The following TBX4 variants were observed in gnomAD, a reference collection of about 807,000 sequenced individuals.
TBX4 encodes T-box transcription factor TBX4.
TBX4 carries 13 observed loss-of-function variants against 54.6 expected under a neutral mutation model. That is an observed-to-expected ratio of 0.24 (90% CI 0.15 to 0.38). TBX4 has a LOEUF of 0.38. Ranked by LOEUF, TBX4 falls within the 10% of genes least tolerant of loss-of-function variation. The pLI is 1.00. For missense variants in TBX4, 631 were observed against 728.5 expected (o/e 0.87, Z 1.54); for synonymous variants, 314 against 306.7 (o/e 1.02, Z -0.25).
rs2060687717 is a variant in TBX4, at chr17:61,484,231, T to C, written c.*715T>C. 3 of 152,158 alleles carry C rather than the reference T, an allele frequency of 2.0e-5. No homozygotes were observed. Among genetic ancestry groups the C allele is most frequent in the Admixed American group, 2.0e-4 (3 of 15,270 alleles). 9.4% of individuals were successfully genotyped at this position (152,158 alleles called of 1,614,324 possible). ...AGGGGTATTTTTAAAGGGTTTTTTT[T>C]TCCCTTCAAGAGGAGGGAAAATGCA... On this transcript the variant is annotated 3_prime_UTR_variant, in exon 9 of 9. Coordinates refer to ENST00000644296, the MANE Select transcript of TBX4 (RefSeq NM_001321120.2). This position sits in a 1 kb window ranked among gnomAD's most constrained non-coding sequence, Gnocchi z 4.1.
chr17:61,452,864 C>G, intron 1 of TBX4: 1 of 940,710 alleles, frequency 1.1e-6, no homozygotes, highest in African/African-American at 1.8e-5. Flanking sequence ...GAAATATCGA[C>G]AGCGCCAGCA....
chr17:61,462,208 A>C lies in TBX4; in HGVS notation c.282-3611A>C, dbSNP rs569524655. On this transcript the variant is annotated intron_variant, in intron 3 of 8. Transcript: ENST00000644296. The surrounding 1 kb of genome is among the most constrained non-coding windows in gnomAD (Gnocchi z 4.5). ...TCTAAAGCCATTTCCGAGTATGAAT[A>C]GATAAAGGCTCCAGCTCCGCACCCT... Among the ~76,000 whole-genome samples the C allele has an allele frequency of 2.2e-4, 33 of 152,090 alleles. No homozygotes were observed. In the South Asian group the frequency reaches 6.6e-3, roughly 31 times the overall value.
chr17:61,469,217 A>G (rs2060558134), intron 5 of TBX4, among the ~76,000 whole-genome samples: 1 of 152,186 alleles, frequency 6.6e-6, no homozygotes, highest in Non-Finnish European at 1.5e-5. Context: ...AGGGCTGGAA[A>G]GCTGCGCCTT....
In TBX4 at chr17:61,479,907, C is replaced by T; in HGVS notation, c.729C>T (p.Asn243=). The T allele has an allele frequency of 1.9e-6, 3 of 1,614,176 alleles. No homozygotes were observed. The highest frequency in any genetic ancestry group is 2.5e-6 in the Non-Finnish European group (3 of 1,180,024). The change falls in exon 7 of 9, where the codon AAC becomes AAT. Residue 243 remains asparagine (N), a synonymous_variant. Coordinates refer to ENST00000644296, the MANE Select transcript of TBX4 (RefSeq NM_001321120.2). The surrounding 1 kb of genome is among the most constrained non-coding windows in gnomAD (Gnocchi z 6.1). ...HKITQLKIEN[N]PFAKGFRGSD... Reference sequence around the variant, plus strand: ...TCACCCAGCTGAAAATTGAGAACAACCCTTTTGCCAAGGGATTCCGGGGCA... The same window carrying T: ...TCACCCAGCTGAAAATTGAGAACAATCCTTTTGCCAAGGGATTCCGGGGCA...
At chr17:61,473,681 C>T (rs533765268) in intron 5 of TBX4, among the ~76,000 whole-genome samples, 11 of 152,352 alleles carry the variant, frequency 7.2e-5, no homozygotes, top group Non-Finnish European at 1.2e-4. Flanking sequence ...TGCCTGAAAT[C>T]GGCTGTCTGA....
At position 61,484,626 on chromosome 17, in the gene TBX4, C is replaced by T. The variant is rs1790272885; in HGVS notation, c.*1110C>T. 6.6e-6 allele frequency: 1 copy of T among 152,172 alleles called. No individual in the cohort carries two copies. Among genetic ancestry groups the T allele is most frequent in the Non-Finnish European group, 1.5e-5 (1 of 68,046 alleles). 9.4% of individuals were successfully genotyped at this position (152,172 alleles called of 1,614,324 possible). A position where few individuals can be genotyped will look rare whatever the true frequency, so the allele number is the denominator to read the frequency against. ...TCCAGTGTGGCGCTCACAAAGTCCT[C>T]AGCCCTGCGTTTTAGCATTGAATAC... On this transcript the variant is annotated 3_prime_UTR_variant, in exon 9 of 9. Transcript: ENST00000644296. The surrounding 1 kb of genome is among the most constrained non-coding windows in gnomAD (Gnocchi z 4.1).
intron 5 of TBX4, among the ~76,000 whole-genome samples, chr17:61,470,649 C>G (rs2060570314): frequency 6.6e-6 from 1 of 152,182 alleles, no homozygotes; most frequent in Non-Finnish European, 1.5e-5. Context: ...CAGCTCCAGT[C>G]CCGAGGTTGG....
Position 61,457,524 on chromosome 17 carries a change from C to T in TBX4, c.187-13C>T. On this transcript the variant is annotated splice_polypyrimidine_tract_variant and intron_variant, in intron 2 of 8. Transcript: ENST00000644296. The surrounding 1 kb of genome is among the most constrained non-coding windows in gnomAD (Gnocchi z 8.2). ...GCCTGGCAGACACAAGTTTCTCTCC[C>T]TCCCATCCCCAGACCATCGAGAACA... The T allele has an allele frequency of 3.1e-6, 5 of 1,613,084 alleles. No homozygotes were observed. Among genetic ancestry groups the T allele is most frequent in the East Asian group, 2.2e-5 (1 of 44,864 alleles).
intron 5 of TBX4, among the ~76,000 whole-genome samples, chr17:61,473,485 C>T (rs997982000): frequency 2.0e-5 from 3 of 152,212 alleles, no homozygotes; most frequent in African/African-American, 7.2e-5. Flanking sequence ...AGATGTCCCC[C>T]CAAAGCTTAT....
chr17:61,458,846 T>C (rs2060473547), intron 3 of TBX4, among the ~76,000 whole-genome samples: 1 of 152,274 alleles, frequency 6.6e-6, no homozygotes, highest in African/African-American at 2.4e-5. Context: ...TCAGCTCTGC[T>C]GAACCACTTA....
chr17:61,455,257 T>C (rs775575406), intron 1 of TBX4, among the ~76,000 whole-genome samples: 3 of 151,994 alleles, frequency 2.0e-5, no homozygotes, highest in African/African-American at 4.8e-5. Context: ...CTGAACAAGA[T>C]GGGCGAGAGG....
At position 61,474,510 on chromosome 17, in the gene TBX4, CTG is replaced by C. The variant is rs1287037675; in HGVS notation, c.550-4114_550-4113del. On this transcript the variant is annotated intron_variant, in intron 5 of 8. Coordinates refer to ENST00000644296, the MANE Select transcript of TBX4 (RefSeq NM_001321120.2). This position sits in a 1 kb window ranked among gnomAD's most constrained non-coding sequence, Gnocchi z 4.6. ...GCCTGCCTCTCCATGCCCTAATGTT[CTG>C]TGATTCCAATGTAGATAGATCTGGG... Among the ~76,000 whole-genome samples, 18 of 152,216 alleles carry C rather than the reference CTG, an allele frequency of 1.2e-4. No individual in the cohort carries two copies. The highest frequency in any genetic ancestry group is 2.4e-4 in the Non-Finnish European group (16 of 68,046).
Position 61,457,576 on chromosome 17 carries a change from C to T in TBX4, c.226C>T (p.Leu76Phe). The change falls in exon 3 of 9, where the codon CTC (leucine) becomes TTC (phenylalanine). Residue 76 changes from leucine to phenylalanine, a missense_variant. Transcript: ENST00000644296. The surrounding 1 kb of genome is among the most constrained non-coding windows in gnomAD (Gnocchi z 8.2). ...CAAGGTGGGGCTGCATGAGAAGGAG[C>T]TCTGGAAGAAGTTCCACGAGGCGGG... Reference protein sequence around the residue: ...NIKVGLHEKELWKKFHEAGTE... With the variant: ...NIKVGLHEKEFWKKFHEAGTE... 6.2e-7 allele frequency: 1 copy of T among 1,613,996 alleles called. No homozygotes were observed. The highest frequency in any genetic ancestry group is 8.5e-7 in the Non-Finnish European group (1 of 1,179,994).
chr17:61,481,989 ACTC>A lies in TBX4; in HGVS notation c.1022-905_1022-903del, dbSNP rs1413516545. The A allele has an allele frequency of 6.6e-6, 1 of 152,202 alleles. No individual in the cohort carries two copies. Among genetic ancestry groups the A allele is most frequent in the African/African-American group, 2.4e-5 (1 of 41,408 alleles). The allele number at this position is 152,202 out of a possible 1,614,324, so 9.4% of individuals were successfully genotyped here. ...ACCATGTTGATCAAGCTGGTCTCGA[ACTC>A]CTGACCTCAAGTGATCCGCCCACGT... On this transcript the variant is annotated intron_variant, in intron 8 of 8. Coordinates refer to ENST00000644296, the MANE Select transcript of TBX4 (RefSeq NM_001321120.2). This position sits in a 1 kb window ranked among gnomAD's most constrained non-coding sequence, Gnocchi z 4.8.
chr17:61,475,965 A>G lies in TBX4; in HGVS notation c.550-2662A>G, dbSNP rs2143849087. ...ATGCCTTAGAGATGATCTCGTCTTTAGTGAGCAAGCAAAGACCAGAGAGGA... is the reference window on the plus strand; with the variant it reads ...ATGCCTTAGAGATGATCTCGTCTTTGGTGAGCAAGCAAAGACCAGAGAGGA... On this transcript the variant is annotated intron_variant, in intron 5 of 8. Coordinates refer to ENST00000644296, the MANE Select transcript of TBX4 (RefSeq NM_001321120.2). The surrounding 1 kb of genome is among the most constrained non-coding windows in gnomAD (Gnocchi z 5.0). Among the ~76,000 whole-genome samples, 1 of 152,152 alleles carries G rather than the reference A, an allele frequency of 6.6e-6. No homozygotes were observed. Among genetic ancestry groups the G allele is most frequent in the Admixed American group, 6.5e-5 (1 of 15,294 alleles).
chr17:61,467,563 C>T lies in TBX4; in HGVS notation c.455C>T (p.Pro152Leu), dbSNP rs760185283. 2.5e-5 allele frequency: 40 copies of T among 1,614,060 alleles called. No individual in the cohort carries two copies. Among genetic ancestry groups the T allele is most frequent in the Non-Finnish European group, 3.2e-5 (38 of 1,180,056 alleles). Residue 152 changes from proline (P) to leucine (L), a missense_variant, in exon 5 of 9, where the codon CCG becomes CTG. Pro to Leu is a moderately conservative substitution (Grantham distance 98). Around this residue, in one of 3 missense-constraint regions of TBX4, gnomAD observed 154 missense variants for 238.6 expected, o/e 0.65. Coordinates refer to ENST00000644296, the MANE Select transcript of TBX4 (RefSeq NM_001321120.2). ...ATGCCAGGAAGGCTGTATGTCCACC[C>T]GGATTCTCCTGCCACAGGAGCCCAC... is the stretch of plus-strand genomic sequence containing the variant. ...PAMPGRLYVH[P>L]DSPATGAHWM...
chr17:61,473,217 G>A (rs1483936252), intron 5 of TBX4, among the ~76,000 whole-genome samples: 1 of 152,160 alleles, frequency 6.6e-6, no homozygotes, highest in Non-Finnish European at 1.5e-5. Flanking sequence ...CTTGTTAGGT[G>A]TGTCACCTGA....
rs1180817531 is a variant in TBX4, at chr17:61,456,467, CGTT to C, written c.-3-18_-3-16del. 3.8e-6 allele frequency: 6 copies of C among 1,559,078 alleles called. No homozygotes were observed. Among genetic ancestry groups the C allele is most frequent in the African/African-American group, 1.4e-5 (1 of 73,730 alleles). On this transcript the variant is annotated intron_variant, in intron 1 of 8. Transcript: ENST00000644296. ...CGAGTGTGGACCTGGGCGAGTGACT[CGTT>C]GTGTGCTGTGCCCGCAGGAGATGCT...
chr17:61,456,397 G>A (rs2060449388), intron 1 of TBX4, 91 bp from the exon 2 acceptor site: 3 of 1,511,958 alleles, frequency 2.0e-6, no homozygotes, highest in Non-Finnish European at 2.7e-6. Flanking sequence ...TCCGCGCCCC[G>A]CACGAAGTCC....
Sources: gnomAD v4.1 joint callset for allele counts (sites outside exome capture counted in the v4.1 genomes callset) on GRCh38, gnomAD v4.1.1 for gene constraint, gnomAD v4.1.1 regional missense constraint, Gnocchi (gnomAD v3.1) non-coding constraint, MANE v1.5 for transcripts, NCBI Gene and HGNC (gene_info 2026-07-23, HGNC 2026-07-21) for gene names.